PRKACB: variants seen among roughly 807,000 people sequenced by gnomAD.
PRKACB encodes the protein protein kinase cAMP-activated catalytic subunit beta, also known as cAMP-dependent protein kinase catalytic subunit beta.
In PRKACB, 16 loss-of-function variants were observed where a neutral mutation model predicts 51.4. The ratio of observed to expected loss-of-function variants is 0.31; its 90% confidence interval spans 0.21 to 0.47. The LOEUF is 0.47. Ranked by LOEUF, PRKACB falls within the 20% of genes least tolerant of loss-of-function variation. The probability of loss-of-function intolerance (pLI) is 1.00; values close to 1 mark genes in which losing one functional copy is unlikely to be tolerated. For synonymous variants in PRKACB, 147 were observed against 154.4 expected, an observed-to-expected ratio of 0.95 and a Z score of 0.35; for missense variants, 309 against 464.5, an observed-to-expected ratio of 0.67 and a Z score of 3.08.
chr1:84,178,045 G>A (rs1028512143), intron 1 of PRKACB, among the ~76,000 whole-genome samples: 8 of 151,990 alleles, frequency 5.3e-5, no homozygotes, highest in Non-Finnish European at 7.4e-5. Context: ...TCTGCTCTTG[G>A]TGCCTGTCAT....
chr1:84,084,962 A>G (rs1311579350), intron 1 of PRKACB, among the ~76,000 whole-genome samples: 3 of 152,072 alleles, frequency 2.0e-5, no homozygotes, highest in Non-Finnish European at 2.9e-5. Flanking sequence ...TCCTCATTTT[A>G]CTCTTTTCAA....
At chr1:84,140,203 T>A (rs774402705), upstream of PRKACB, among the ~76,000 whole-genome samples, 1 of 152,130 alleles carries the variant, frequency 6.6e-6, no homozygotes, top group Non-Finnish European at 1.5e-5. Flanking sequence ...AGTCCAGAAA[T>A]AGACTCACAC....
At chr1:84,182,174 A>T in intron 2 of PRKACB, 26 bp from the exon 3 acceptor site, 3 of 1,446,380 alleles carry the variant, frequency 2.1e-6, no homozygotes, top group Non-Finnish European at 2.8e-6. Flanking sequence ...GAGAATTTTA[A>T]ATTTTATTTA....
intron 9 of PRKACB, 121 bp downstream of exon 9, chr1:84,214,438 G>A: frequency 1.0e-6 from 1 of 1,002,514 alleles, no homozygotes; most frequent in Non-Finnish European, 1.4e-6. Context: ...TTAATCTTGT[G>A]CAGGATCTAA....
intron 8 of PRKACB, among the ~76,000 whole-genome samples, chr1:84,203,123 C>G (rs1369864435): frequency 6.6e-6 from 1 of 151,936 alleles, no homozygotes; most frequent in African/African-American, 2.4e-5. Flanking sequence ...ATGTGTCTAT[C>G]TTCATGGAGA....
intron 1 of PRKACB, among the ~76,000 whole-genome samples, chr1:84,081,781 A>G (rs1647556621): frequency 6.6e-6 from 1 of 152,132 alleles, no homozygotes; most frequent in Non-Finnish European, 1.5e-5. Flanking sequence ...TTATACATTC[A>G]TTGCAAAAAT....
At chr1:84,233,072 T>G (rs1021299461) in intron 9 of PRKACB, among the ~76,000 whole-genome samples, 23 of 151,656 alleles carry the variant, frequency 1.5e-4, no homozygotes, top group Admixed American at 4.6e-4. Context: ...TTTCCATGTT[T>G]AGCACTTCCT....
chr1:84,158,859 C>G (rs894073421), intron 1 of PRKACB, among the ~76,000 whole-genome samples: 2 of 151,896 alleles, frequency 1.3e-5, no homozygotes, highest in African/African-American at 4.8e-5. Flanking sequence ...ACATGTAGAT[C>G]CATTTTTTAC....
intron 1 of PRKACB, among the ~76,000 whole-genome samples, chr1:84,166,549 A>G (rs959029774): frequency 6.6e-6 from 1 of 151,732 alleles, no homozygotes; most frequent in Non-Finnish European, 1.5e-5. Flanking sequence ...TACCACAAAT[A>G]ATCATAGTAA....
intron 1 of PRKACB, among the ~76,000 whole-genome samples, chr1:84,168,954 G>A (rs1658459572): frequency 6.6e-6 from 1 of 151,450 alleles, no homozygotes; most frequent in African/African-American, 2.4e-5. Context: ...CATTTATGAA[G>A]GTCACTGGAT....
At chr1:84,164,951 C>A in intron 1 of PRKACB, 1 of 1,537,938 alleles carries the variant, frequency 6.5e-7, no homozygotes, top group South Asian at 1.2e-5. Flanking sequence ...GCATAACTCC[C>A]TTTGCTGTTG....
intron 1 of PRKACB, among the ~76,000 whole-genome samples, chr1:84,081,880 T>C (rs1647564425): frequency 6.6e-6 from 1 of 152,218 alleles, no homozygotes; most frequent in South Asian, 2.1e-4. Context: ...TGTGACCTAG[T>C]GTTCGCATAT....
rs1553181648 is a variant in PRKACB, at chr1:84,199,120, T to TATGCATATATGTATATATATGC, written c.783+1298_783+1299insGCATATATGTATATATATGCAT. ...ATGCATATATGTATATATATGCATATATATATATATATACACACACATTTT... is the reference window on the plus strand; with the variant it reads ...ATGCATATATGTATATATATGCATATATGCATATATGTATATATATGCATATATATATATACACACACATTTT... On this transcript the variant is annotated intron_variant, in intron 7 of 9. Coordinates refer to ENST00000370685, the MANE Select transcript of PRKACB (RefSeq NM_182948.4). Among the ~76,000 whole-genome samples the TATGCATATATGTATATATATGC allele has an allele frequency of 8.1e-3, 1,040 of 127,656 alleles. 18 individuals are homozygous for TATGCATATATGTATATATATGC. The highest frequency in any genetic ancestry group is 0.047 in the East Asian group (199 of 4,276). 83.7% of individuals were successfully genotyped at this position (127,656 alleles called of 152,430 possible).
chr1:84,205,985 A>G (rs1572433318), intron 8 of PRKACB, among the ~76,000 whole-genome samples: 1 of 152,252 alleles, frequency 6.6e-6, no homozygotes, highest in Non-Finnish European at 1.5e-5. Flanking sequence ...TCTCAGTGTC[A>G]TGTACTCCAT....
chr1:84,103,414 A>G (rs1649499849), intron 1 of PRKACB, among the ~76,000 whole-genome samples: 1 of 143,694 alleles, frequency 7.0e-6, no homozygotes, highest in Admixed American at 7.1e-5. Context: ...AGAAAGAGAC[A>G]GAGAGATGGG....
intron 9 of PRKACB, among the ~76,000 whole-genome samples, chr1:84,227,295 A>C (rs1314015642): frequency 6.6e-6 from 1 of 152,076 alleles, no homozygotes; most frequent in Non-Finnish European, 1.5e-5. Context: ...TTTTTGACTC[A>C]ATTTAAGAAA....
chr1:84,205,721 A>G (rs1671236813), intron 8 of PRKACB, among the ~76,000 whole-genome samples: 1 of 152,098 alleles, frequency 6.6e-6, no homozygotes, highest in South Asian at 2.1e-4. Flanking sequence ...CTCTATTACA[A>G]TATTTTAACT....
chr1:84,185,699 A>G (rs1664883842), intron 5 of PRKACB, among the ~76,000 whole-genome samples: 1 of 152,088 alleles, frequency 6.6e-6, no homozygotes, highest in Non-Finnish European at 1.5e-5. Context: ...GTACCTCATC[A>G]GGTTATGACT....
intron 9 of PRKACB, among the ~76,000 whole-genome samples, chr1:84,219,151 C>A (rs1044005306): frequency 1.3e-5 from 2 of 151,686 alleles, no homozygotes; most frequent in South Asian, 2.1e-4. Flanking sequence ...TAATATAGCC[C>A]AATGTGCCTA....
Sources: allele counts gnomAD v4.1 joint callset (sites outside exome capture counted in the v4.1 genomes callset), GRCh38; gene constraint gnomAD v4.1.1; transcripts MANE v1.5; gene names NCBI Gene and HGNC (gene_info 2026-07-23, HGNC 2026-07-21).